TKT: variants seen among roughly 807,000 people sequenced by gnomAD.
The protein encoded by TKT is epididymis luminal protein 107.
TKT carries 47 observed loss-of-function variants against 63.9 expected under a neutral mutation model. That is an observed-to-expected ratio of 0.74 (90% confidence interval 0.58 to 0.94). The LOEUF (loss-of-function observed/expected upper bound fraction) is 0.94, where lower values mean the gene tolerates loss of function less well. TKT is among the 40% of genes least tolerant of loss of function. The pLI is 0.00. For synonymous variants in TKT, 338 were observed against 334.1 expected, an observed-to-expected ratio of 1.01 and a Z score of -0.13; for missense variants, 721 against 846.2, an observed-to-expected ratio of 0.85 and a Z score of 1.84.
intron 1 of TKT, among the ~76,000 whole-genome samples, chr3:53,246,454 A>G (rs1553680921): frequency 1.3e-5 from 2 of 152,238 alleles, no homozygotes; most frequent in Non-Finnish European, 2.9e-5. Flanking sequence ...CAAATCCGGT[A>G]TCAATATTCT....
intron 4 of TKT, among the ~76,000 whole-genome samples, chr3:53,236,622 C>T (rs1431436779): frequency 6.6e-6 from 1 of 152,230 alleles, no homozygotes; most frequent in Non-Finnish European, 1.5e-5. Context: ...TGGGGCTGAG[C>T]CAGAGAAGCC....
intron 1 of TKT, among the ~76,000 whole-genome samples, chr3:53,250,627 C>T (rs1705703173): frequency 6.6e-6 from 1 of 152,046 alleles, no homozygotes; most frequent in East Asian, 1.9e-4. Context: ...AAAAATTAGC[C>T]AAGGCATAGT....
At chr3:53,251,300 GCCCT>G (rs1705736257) in intron 1 of TKT, among the ~76,000 whole-genome samples, 1 of 152,218 alleles carries the variant, frequency 6.6e-6, no homozygotes, top group African/African-American at 2.4e-5. Context: ...CCACAGTCTG[GCCCT>G]GGTGAGAACT....
At chr3:53,236,429 C>T (rs1257429236) in intron 4 of TKT, among the ~76,000 whole-genome samples, 2 of 152,232 alleles carry the variant, frequency 1.3e-5, no homozygotes, top group East Asian at 3.8e-4. Flanking sequence ...CTGTGGCCTC[C>T]ACCACAGGAG....
At chr3:53,245,734 G>A (rs572960981) in intron 1 of TKT, among the ~76,000 whole-genome samples, 4 of 152,032 alleles carry the variant, frequency 2.6e-5, no homozygotes, top group East Asian at 2.0e-4. Context: ...GCAATGAGCC[G>A]AGATCATGCT....
At chr3:53,228,929 A>C in intron 10 of TKT, 78 bp downstream of exon 10, 1 of 1,574,630 alleles carries the variant, frequency 6.4e-7, no homozygotes, top group African/African-American at 1.4e-5. Context: ...GCAGCAAGTG[A>C]CCAGCTCTGG....
chr3:53,230,592 T>A lies in TKT; in HGVS notation c.972A>T (p.Ala324=). Residue 324 remains alanine, a synonymous_variant, in exon 8 of 14, where the codon GCA becomes GCT. Coordinates refer to ENST00000462138, the MANE Select transcript of TKT (RefSeq NM_001064.4). ...CACTGGCATGGCCCAGCTTGGCCAG[T>A]GCCTGCCCGTAGGCCTTGCGGGTGG... ...KIATRKAYGQ[A]LAKLGHASDR... 6.2e-7 allele frequency: 1 copy of A among 1,614,220 alleles called. No individual in the cohort carries two copies. The highest frequency in any genetic ancestry group is 8.5e-7 in the Non-Finnish European group (1 of 1,180,040).
chr3:53,239,972 T>C (rs1705198099), intron 4 of TKT, among the ~76,000 whole-genome samples: 1 of 152,106 alleles, frequency 6.6e-6, no homozygotes, highest in Admixed American at 6.5e-5. Flanking sequence ...GAAGAGCACA[T>C]GATTGAGAGC....
chr3:53,241,077 C>T, intron 3 of TKT, 55 bp downstream of exon 3: 1 of 1,447,186 alleles, frequency 6.9e-7, no homozygotes, highest in Non-Finnish European at 9.2e-7. Context: ...TCCCACATGT[C>T]TGGGAAATAG....
chr3:53,236,328 T>C (rs3773744), intron 4 of TKT, among the ~76,000 whole-genome samples: 84,764 of 152,138 alleles, frequency 0.56, 24,756 homozygotes, highest in South Asian at 0.84. Flanking sequence ...CTGGGACAGC[T>C]AGCCACGGAG....
chr3:53,241,281 G>A, intron 2 of TKT, 36 bp from the exon 3 acceptor site: 1 of 1,570,980 alleles, frequency 6.4e-7, no homozygotes, highest in Non-Finnish European at 8.6e-7. Flanking sequence ...AGGTCAGGTG[G>A]GGAGCGGTTC....
intron 7 of TKT, 111 bp downstream of exon 7, chr3:53,231,246 C>T: frequency 8.0e-7 from 1 of 1,246,900 alleles, no homozygotes. Context: ...CACTCCTCGC[C>T]CTAAATGAAT....
Position 53,256,015 on chromosome 3 carries a change from C to T in TKT, c.-73G>A. ...CGGCTGCTCCCGCGGCGACAGGCGG[C>T]TGCCGAGGCCGGGCGCGGGGCGGGG... is the stretch of plus-strand genomic sequence containing the variant. On this transcript the variant is annotated 5_prime_UTR_variant, in exon 1 of 14. Transcript: ENST00000462138. 4 of 985,088 alleles carry T rather than the reference C, an allele frequency of 4.1e-6. No individual in the cohort carries two copies. The highest frequency in any genetic ancestry group is 4.1e-5 in the East Asian group (1 of 24,468). 61.0% of individuals were successfully genotyped at this position (985,088 alleles called of 1,614,324 possible).
intron 4 of TKT, among the ~76,000 whole-genome samples, 162 bp downstream of exon 4, chr3:53,240,089 C>A (rs1192076622): frequency 3.9e-5 from 6 of 152,250 alleles, no homozygotes; most frequent in Admixed American, 1.3e-4. Flanking sequence ...GGTCATGGCA[C>A]CAGCCATAGC....
chr3:53,237,495 T>TACATACAC (rs1575566419), intron 4 of TKT, among the ~76,000 whole-genome samples: 2 of 144,792 alleles, frequency 1.4e-5, no homozygotes, highest in Admixed American at 1.4e-4. Context: ...TTTTATATTA[T>TACATACAC]ACACACACAC....
Position 53,235,257 on chromosome 3 carries a change from C to A in TKT, c.438-83G>T, listed in dbSNP as rs1704970605. On this transcript the variant is annotated intron_variant, in intron 4 of 13. Transcript: ENST00000462138. ...CCCCCCCACCCATCCAAGGAGCCTG[C>A]ATTCTGGGTAAAGGAGCAGCCACGC... 6.7e-6 allele frequency: 9 copies of A among 1,350,320 alleles called. No individual in the cohort carries two copies. The East Asian group carries it at 1.8e-4, about 27-fold the overall frequency. The allele number at this position is 1,350,320 out of a possible 1,614,324, so 83.6% of individuals were successfully genotyped here.
intron 6 of TKT, chr3:53,231,971 C>T (rs1553677239): frequency 7.8e-6 from 2 of 256,996 alleles, no homozygotes; most frequent in East Asian, 7.4e-5. Context: ...GGACCCTGGC[C>T]ATCAGAAGGG....
chr3:53,253,576 C>G (rs1046392399), intron 1 of TKT, among the ~76,000 whole-genome samples: 68 of 152,326 alleles, frequency 4.5e-4, no homozygotes, highest in African/African-American at 1.6e-3. Flanking sequence ...ACCAGCCTGG[C>G]CAAGATGGTG....
intron 3 of TKT, among the ~76,000 whole-genome samples, chr3:53,240,787 T>C (rs371816041): frequency 6.6e-6 from 1 of 152,192 alleles, no homozygotes; most frequent in African/African-American, 2.4e-5. Flanking sequence ...TCCCCAGGGT[T>C]TCGCCAGCAT....
Sources: gnomAD v4.1 joint callset for allele counts (sites outside exome capture counted in the v4.1 genomes callset) on GRCh38, gnomAD v4.1.1 for gene constraint, MANE v1.5 for transcripts, NCBI Gene and HGNC (gene_info 2026-07-23, HGNC 2026-07-21) for gene names.